The following SYTL4 variants were observed in gnomAD, a reference collection of about 807,000 sequenced individuals.
SYTL4 encodes the protein synaptotagmin-like protein 4.
In SYTL4, 16 loss-of-function variants were observed where a neutral mutation model predicts 52.7. That is an observed-to-expected ratio of 0.30 (90% CI 0.21 to 0.46). The LOEUF is 0.46. SYTL4 is among the 20% of genes least tolerant of loss of function. The pLI is 1.00. For synonymous variants in SYTL4, 160 were observed against 186.6 expected (o/e 0.86, Z 1.16); for missense variants, 423 against 519.9 (o/e 0.81, Z 1.81).
intron 17 of SYTL4, among the ~76,000 whole-genome samples, chrX:100,680,302 C>T (rs2083349651): frequency 9.0e-6 from 1 of 111,526 alleles, no homozygotes; most frequent in Non-Finnish European, 1.9e-5. Context: ...GCTGATCTCT[C>T]TGGTTCTATA....
chrX:100,702,868 C>T lies in SYTL4; in HGVS notation c.-71+225G>A, dbSNP rs776673379. 5.4e-5 allele frequency among the ~76,000 whole-genome samples: 6 copies of T among 111,253 alleles called. No individual in the cohort carries two copies. In the Admixed American group the frequency reaches 5.7e-4, roughly 11 times the overall value. ...ATTATAAGGGACTATAAATTAAGTG[C>T]TATGAGAACTTAGGGAAGAAAGCAA... On this transcript the variant is annotated intron_variant, in intron 4 of 19. Coordinates refer to ENST00000372989, the MANE Select transcript of SYTL4 (RefSeq NM_001370165.1).
At chrX:100,700,527 T>C (rs926007811) in intron 8 of SYTL4, among the ~76,000 whole-genome samples, 7 of 112,080 alleles carry the variant, frequency 6.2e-5, no homozygotes, top group African/African-American at 2.3e-4. Flanking sequence ...ACATAGAAGA[T>C]ATACGAAATA....
chrX:100,695,558 C>G (rs986973129), intron 8 of SYTL4, among the ~76,000 whole-genome samples: 1 of 111,700 alleles, frequency 9.0e-6, no homozygotes, highest in African/African-American at 3.3e-5. Flanking sequence ...GGATGAGTCA[C>G]CCACCCAAGG....
chrX:100,716,225 G>A (rs984595500), intron 2 of SYTL4, among the ~76,000 whole-genome samples: 1 of 107,465 alleles, frequency 9.3e-6, no homozygotes, highest in African/African-American at 3.4e-5. Flanking sequence ...CGAGGCGGGC[G>A]GATCACCTGA....
At chrX:100,693,938 G>A (rs978131521) in intron 8 of SYTL4, among the ~76,000 whole-genome samples, 1 of 112,062 alleles carries the variant, frequency 8.9e-6, no homozygotes, top group African/African-American at 3.2e-5. Context: ...AAACACAAAA[G>A]GCCACATATT....
At chrX:100,689,706 C>A in intron 12 of SYTL4, 150 bp downstream of exon 12, 1 of 321,873 alleles carries the variant, frequency 3.1e-6, no homozygotes, top group Non-Finnish European at 5.6e-6. Flanking sequence ...AATCAGGAAC[C>A]AGATTTACTT....
chrX:100,696,065 A>G (rs1485846272), intron 8 of SYTL4, among the ~76,000 whole-genome samples: 1 of 112,073 alleles, frequency 8.9e-6, no homozygotes, highest in African/African-American at 3.2e-5. Flanking sequence ...CCGTATAAAC[A>G]AATCAGTTTA....
rs765329619 is a variant in SYTL4, at chrX:100,685,824, T to TA, written c.1449+165dup. 7 of 489,809 alleles carry TA rather than the reference T, an allele frequency of 1.4e-5. No homozygotes were observed. The East Asian group carries it at 1.9e-4, about 13-fold the overall frequency. 40.4% of individuals were successfully genotyped at this position (489,809 alleles called of 1,213,427 possible). A position where few individuals can be genotyped will look rare whatever the true frequency, so the allele number is the denominator to read the frequency against. The stretch of plus-strand genomic sequence containing the variant: ...TGGTTTACACAGAACTCACACTTGA[T>TA]AGACAAATGCCTCTGAAATTGCTGT... On this transcript the variant is annotated intron_variant, in intron 16 of 19. Coordinates refer to ENST00000372989, the MANE Select transcript of SYTL4 (RefSeq NM_001370165.1).
Position 100,701,488 on chromosome X carries a change from G to T in SYTL4, c.296C>A (p.Thr99Asn). ...RDCRIQESNG[T>N]WRCKVCAKEI... ...CTTGGCGCACACCTTGCACCTCCAG[G>T]TACCATTGCTTTCCTGTATGCGGCA... The change falls in exon 6 of 20, where the codon ACC becomes AAC. Residue 99 changes from threonine (T) to asparagine (N), a missense_variant. Thr to Asn is a moderately conservative substitution (Grantham distance 65, BLOSUM62 0). Transcript: ENST00000372989. 5 of 1,211,615 alleles carry T rather than the reference G, an allele frequency of 4.1e-6. No individual in the cohort carries two copies. Among genetic ancestry groups the T allele is most frequent in the Non-Finnish European group, 5.6e-6 (5 of 895,395 alleles).
chrX:100,683,820 C>G (rs2147693163), intron 16 of SYTL4, among the ~76,000 whole-genome samples: 1 of 112,074 alleles, frequency 8.9e-6, no homozygotes, highest in South Asian at 3.7e-4. Flanking sequence ...TAGCTAGAAA[C>G]TGGCATATTT....
At chrX:100,706,297 A>G (rs1282887884) in intron 2 of SYTL4, among the ~76,000 whole-genome samples, 1 of 112,106 alleles carries the variant, frequency 8.9e-6, no homozygotes, top group Non-Finnish European at 1.9e-5. Flanking sequence ...CCTTCCCTCC[A>G]GTCCCATCAG....
chrX:100,707,994 G>A (rs1235792571), intron 2 of SYTL4, among the ~76,000 whole-genome samples: 2 of 107,120 alleles, frequency 1.9e-5, no homozygotes, highest in Non-Finnish European at 3.8e-5. Context: ...ACCAAACACC[G>A]CATGTTCTCT....
chrX:100,721,028 G>C (rs1404728103), intron 2 of SYTL4, among the ~76,000 whole-genome samples: 1 of 111,354 alleles, frequency 9.0e-6, no homozygotes, highest in Non-Finnish European at 1.9e-5. Context: ...CAAATCCCTA[G>C]AGCAAGATTA....
In SYTL4 at chrX:100,689,946, A is replaced by G; in HGVS notation, c.822T>C (p.Ser274=). 2 of 1,205,109 alleles carry G rather than the reference A, an allele frequency of 1.7e-6. No individual in the cohort carries two copies. Among genetic ancestry groups the G allele is most frequent in the Non-Finnish European group, 2.2e-6 (2 of 890,135 alleles). Residue 274 remains serine (S), a synonymous_variant, in exon 12 of 20, where the codon TCT becomes TCC. Coordinates refer to ENST00000372989, the MANE Select transcript of SYTL4 (RefSeq NM_001370165.1). ...KILRPSEYTK[S]VIDLRPEDVV... ...CATCTTCTGGGCGAAGATCTATCAC[A>G]GATTTAGTGTACTCTGAGGGGAAGA... is the stretch of plus-strand genomic sequence containing the variant.
At chrX:100,707,339 T>G (rs2083977676) in intron 2 of SYTL4, among the ~76,000 whole-genome samples, 1 of 111,491 alleles carries the variant, frequency 9.0e-6, no homozygotes, top group Non-Finnish European at 1.9e-5. Flanking sequence ...TTTTTAAAAT[T>G]TATAAAGACA....
intron 13 of SYTL4, chrX:100,687,877 C>G (rs1019367667): frequency 8.7e-6 from 1 of 114,454 alleles, no homozygotes; most frequent in Non-Finnish European, 1.8e-5. Context: ...ATGCTTATGA[C>G]AGAACCAGGC....
In SYTL4 at chrX:100,686,800, A is replaced by G; in HGVS notation, c.1185-19T>C. ...CACATATCTAGAAACCAAAGACAGC[A>G]CTGAGTAATTTGCTGGCCTTTCTCA... On this transcript the variant is annotated intron_variant, in intron 14 of 19. Coordinates refer to ENST00000372989, the MANE Select transcript of SYTL4 (RefSeq NM_001370165.1). The G allele has an allele frequency of 8.6e-7, 1 of 1,164,633 alleles. No homozygotes were observed. Among genetic ancestry groups the G allele is most frequent in the Non-Finnish European group, 1.2e-6 (1 of 853,765 alleles).
chrX:100,691,725 A>G (rs781426347), intron 8 of SYTL4, among the ~76,000 whole-genome samples: 2 of 111,398 alleles, frequency 1.8e-5, no homozygotes, highest in Admixed American at 1.9e-4. Context: ...TTTTTAGTAG[A>G]GATGGGGTTT....
chrX:100,686,279 G>T, intron 15 of SYTL4, 128 bp from the exon 16 acceptor site: 1 of 645,949 alleles, frequency 1.5e-6, no homozygotes, highest in Non-Finnish European at 2.2e-6. Context: ...TATGTTCCCT[G>T]AGCACTTTGA....
Sources: gnomAD v4.1 joint callset for allele counts (sites outside exome capture counted in the v4.1 genomes callset) on GRCh38, gnomAD v4.1.1 for gene constraint, MANE v1.5 for transcripts, NCBI Gene and HGNC (gene_info 2026-07-23, HGNC 2026-07-21) for gene names.